Variants in COL4A2 observed in about 807,000 individuals in gnomAD.
The protein encoded by COL4A2 is collagen type IV alpha 2 chain, also known as collagen alpha-2(IV) chain.
Under a neutral mutation model 200.2 loss-of-function variants are expected in COL4A2, and 99 were observed. The ratio of observed to expected loss-of-function variants is 0.49; its 90% CI spans 0.42 to 0.58. The LOEUF (loss-of-function observed/expected upper bound fraction) is 0.58, where lower values mean the gene tolerates loss of function less well. Among genes scored for constraint, COL4A2 ranks in the 20% least tolerant of loss-of-function variants. The pLI, the probability that COL4A2 is intolerant of heterozygous loss-of-function variation, is 0.00. For missense variants in COL4A2, 1,950 were observed against 2,314.1 expected (o/e 0.84, Z 3.23); for synonymous variants, 897 against 900.6 (o/e 1.00, Z 0.07).
At chr13:110,460,967 G>A (rs1322161038) in intron 22 of COL4A2, among the ~76,000 whole-genome samples, 3 of 152,206 alleles carry the variant, frequency 2.0e-5, no homozygotes, top group African/African-American at 7.2e-5. Flanking sequence ...TTTCAACATT[G>A]CATTTAATTA....
At chr13:110,321,319 G>A (rs1242615760) in intron 3 of COL4A2, among the ~76,000 whole-genome samples, 2 of 151,740 alleles carry the variant, frequency 1.3e-5, no homozygotes, top group Non-Finnish European at 2.9e-5. Flanking sequence ...GTTTTAAATT[G>A]TGGTAAAATA....
chr13:110,468,493 T>C (rs1208367087), intron 27 of COL4A2, among the ~76,000 whole-genome samples: 1 of 151,932 alleles, frequency 6.6e-6, no homozygotes, highest in African/African-American at 2.4e-5. Context: ...GTGATGCGAG[T>C]GTGGGTTTCT....
Position 110,307,738 on chromosome 13 carries a change from C to A in COL4A2, c.-44-122C>A. On this transcript the variant is annotated intron_variant, in intron 1 of 47. Transcript: ENST00000360467. This position sits in a 1 kb window ranked among gnomAD's most constrained non-coding sequence, Gnocchi z 5.0. ...CCGGGTCGTGGGGGGGACGGCCCTC[C>A]GGTCACCCCTGCATGCGGGCCGCGC... 1 of 911,354 alleles carries A rather than the reference C, an allele frequency of 1.1e-6. No homozygotes were observed. The highest frequency in any genetic ancestry group is 1.6e-6 in the Non-Finnish European group (1 of 618,612). The allele number at this position is 911,354 out of a possible 1,614,324, so 56.5% of individuals were successfully genotyped here.
intron 4 of COL4A2, among the ~76,000 whole-genome samples, chr13:110,416,231 C>T (rs936193555): frequency 6.6e-6 from 1 of 152,226 alleles, no homozygotes; most frequent in African/African-American, 2.4e-5. Flanking sequence ...TTAGAAAGAG[C>T]GTTTCATACC....
At chr13:110,489,157 G>A (rs1883202447) in intron 34 of COL4A2, among the ~76,000 whole-genome samples, 1 of 152,118 alleles carries the variant, frequency 6.6e-6, no homozygotes, top group Non-Finnish European at 1.5e-5. Flanking sequence ...GATGACTTGA[G>A]CCCAGGAAAT....
chr13:110,421,689 A>G (rs1164268120), intron 4 of COL4A2, among the ~76,000 whole-genome samples: 1 of 152,260 alleles, frequency 6.6e-6, no homozygotes, highest in African/African-American at 2.4e-5. Flanking sequence ...ACCGAGTTGT[A>G]TCCTTTAAAA....
Position 110,513,033 on chromosome 13 carries a change from AGTT to A in COL4A2, c.*847_*849del, listed in dbSNP as rs1260409821. ...TGGTTCTGAATATTTTTAAACCCCG[AGTT>A]GTTGACCGCCTTAATCTCGTGTCCA... On this transcript the variant is annotated 3_prime_UTR_variant, in exon 48 of 48. Transcript: ENST00000360467. 5.9e-5 allele frequency: 9 copies of A among 152,158 alleles called. No homozygotes were observed. The highest frequency in any genetic ancestry group is 2.1e-4 in the South Asian group (1 of 4,832). 9.4% of individuals were successfully genotyped at this position (152,158 alleles called of 1,614,324 possible).
At chr13:110,402,862 ACTCTGTGTGCCTGCAG>A (rs1879423184) in intron 4 of COL4A2, among the ~76,000 whole-genome samples, 13 of 152,040 alleles carry the variant, frequency 8.6e-5, no homozygotes, top group Admixed American at 7.2e-4. Context: ...CAGCTCTTGC[ACTCTGTGTGCCTGCAG>A]AGTTGGCACC....
intron 3 of COL4A2, among the ~76,000 whole-genome samples, chr13:110,343,285 C>G (rs1876543201): frequency 6.6e-6 from 1 of 152,150 alleles, no homozygotes; most frequent in African/African-American, 2.4e-5. Flanking sequence ...CTGCGCCTGT[C>G]CGTACCCAGT....
chr13:110,433,466 A>C (rs181265049), intron 11 of COL4A2, among the ~76,000 whole-genome samples: 2 of 152,290 alleles, frequency 1.3e-5, no homozygotes, highest in Non-Finnish European at 2.9e-5. Context: ...GACTCACACA[A>C]ATTGCATTCT....
chr13:110,339,671 A>C (rs1876362633), intron 3 of COL4A2, among the ~76,000 whole-genome samples: 1 of 152,230 alleles, frequency 6.6e-6, no homozygotes, highest in Admixed American at 6.5e-5. Flanking sequence ...CATCTTTTCC[A>C]GTTCTGGAAA....
chr13:110,511,385 A>G (rs2139563826), intron 47 of COL4A2, among the ~76,000 whole-genome samples: 1 of 152,254 alleles, frequency 6.6e-6, no homozygotes, highest in African/African-American at 2.4e-5. Context: ...ACAGATTTAA[A>G]AAAAAAAATA....
chr13:110,361,203 C>G (rs148828219), intron 4 of COL4A2, among the ~76,000 whole-genome samples: 5 of 152,198 alleles, frequency 3.3e-5, no homozygotes, highest in Non-Finnish European at 5.9e-5. Context: ...ACTACAAATC[C>G]GGTGCATGTG....
intron 28 of COL4A2, 50 bp downstream of exon 28, chr13:110,469,374 T>A: frequency 6.6e-7 from 1 of 1,510,252 alleles, no homozygotes. Context: ...AGCGGGAACC[T>A]GTGTGTGATT....
intron 3 of COL4A2, among the ~76,000 whole-genome samples, chr13:110,330,924 C>T (rs1251012208): frequency 6.6e-6 from 1 of 152,104 alleles, no homozygotes; most frequent in Non-Finnish European, 1.5e-5. Context: ...GGGAGCCTTC[C>T]CCACCACATT....
At chr13:110,479,172 AT>A (rs1882804301) in intron 30 of COL4A2, among the ~76,000 whole-genome samples, 1 of 152,212 alleles carries the variant, frequency 6.6e-6, no homozygotes, top group Non-Finnish European at 1.5e-5. Flanking sequence ...ACTACTGAGA[AT>A]CAGCTGAACA....
chr13:110,464,076 C>G (rs1269822002), intron 24 of COL4A2, among the ~76,000 whole-genome samples: 1 of 151,996 alleles, frequency 6.6e-6, no homozygotes, highest in Non-Finnish European at 1.5e-5. Context: ...GTGGTGTGCT[C>G]ATGTGTGTAT....
intron 4 of COL4A2, among the ~76,000 whole-genome samples, chr13:110,419,632 C>T (rs769102597): frequency 2.6e-4 from 40 of 152,282 alleles, no homozygotes; most frequent in African/African-American, 9.6e-4. Context: ...TCTCCACGGT[C>T]GTGGTATTTG....
At chr13:110,312,054 G>A (rs1193972234) in intron 3 of COL4A2, among the ~76,000 whole-genome samples, 6 of 152,224 alleles carry the variant, frequency 3.9e-5, no homozygotes, top group Admixed American at 1.3e-4. Flanking sequence ...TGTAAGGATC[G>A]GGAAGGACAA....
Sources: allele counts gnomAD v4.1 joint callset (sites outside exome capture counted in the v4.1 genomes callset), GRCh38; gene constraint gnomAD v4.1.1; non-coding constraint Gnocchi (gnomAD v3.1); transcripts MANE v1.5; gene names NCBI Gene and HGNC (gene_info 2026-07-23, HGNC 2026-07-21).